The following NUP133 variants were observed in gnomAD, a reference collection of about 807,000 sequenced individuals.
NUP133 encodes the protein nuclear pore complex protein Nup133.
In NUP133, 66 loss-of-function variants were observed where a neutral mutation model predicts 146.2. The observed-to-expected ratio is 0.45, with a 90% CI of 0.37 to 0.55. The LOEUF (loss-of-function observed/expected upper bound fraction) is 0.55, where lower values mean the gene tolerates loss of function less well. Ranked by LOEUF, NUP133 falls within the 20% of genes least tolerant of loss-of-function variation. The pLI, the probability that NUP133 is intolerant of heterozygous loss-of-function variation, is 0.00. For missense variants in NUP133, 1,277 were observed against 1,374.8 expected (o/e 0.93, Z 1.12); for synonymous variants, 521 against 498.8 (o/e 1.04, Z -0.59).
chr1:229,487,321 G>A, intron 10 of NUP133, 145 bp downstream of exon 10: 1 of 743,272 alleles, frequency 1.3e-6, no homozygotes, highest in Non-Finnish European at 2.1e-6. Flanking sequence ...TAGGGTTATG[G>A]CTTCAGCTGC....
intron 13 of NUP133, 90 bp downstream of exon 13, chr1:229,477,507 G>T: frequency 3.3e-6 from 3 of 900,744 alleles, no homozygotes; most frequent in Non-Finnish European, 3.1e-6. Context: ...AATTGTTTGA[G>T]AAGCTAAAAA....
intron 6 of NUP133, 78 bp downstream of exon 6, chr1:229,498,058 A>G (rs1379616987): frequency 2.8e-6 from 3 of 1,061,446 alleles, no homozygotes; most frequent in Non-Finnish European, 4.0e-6. Context: ...ATGGAGGAAT[A>G]CTAAATTCAG....
In NUP133 at chr1:229,465,580, G is replaced by C. The variant is rs1660792923; in HGVS notation, c.2200-61C>G. 4 of 1,252,952 alleles carry C rather than the reference G, an allele frequency of 3.2e-6. No individual in the cohort carries two copies. In the Admixed American group the frequency reaches 7.0e-5, roughly 22 times the overall value. 77.6% of individuals were successfully genotyped at this position (1,252,952 alleles called of 1,614,324 possible). On this transcript the variant is annotated intron_variant, in intron 16 of 25. Coordinates refer to ENST00000261396, the MANE Select transcript of NUP133 (RefSeq NM_018230.3). ...GGTGATGGATCACAGTATTTCTGAA[G>C]ATAATTTAAGACAGCAAAGTAAATT...
At position 229,441,447 on chromosome 1, in the gene NUP133, T is replaced by C. The variant is rs764081236; in HGVS notation, c.*457A>G. On this transcript the variant is annotated 3_prime_UTR_variant, in exon 26 of 26. Transcript: ENST00000261396. ...CAGCAAAAGTTGACATTTATCTTAC[T>C]AGACATTTCCCATTAGCCCTAACTG... 2.3e-5 allele frequency: 12 copies of C among 532,528 alleles called. No homozygotes were observed. The highest frequency in any genetic ancestry group is 4.6e-5 in the Non-Finnish European group (12 of 259,716). 33.0% of individuals were successfully genotyped at this position (532,528 alleles called of 1,614,324 possible).
intron 24 of NUP133, among the ~76,000 whole-genome samples, chr1:229,447,253 T>C (rs896674706): frequency 2.6e-5 from 4 of 152,160 alleles, no homozygotes; most frequent in African/African-American, 9.7e-5. Flanking sequence ...TTCTTAACTA[T>C]TAAAATAGAG....
intron 24 of NUP133, among the ~76,000 whole-genome samples, chr1:229,446,091 T>G (rs1196960969): frequency 6.6e-6 from 1 of 152,136 alleles, no homozygotes; most frequent in Non-Finnish European, 1.5e-5. Flanking sequence ...AGTCCTCCTC[T>G]GCAGAAAGGA....
At chr1:229,497,494 A>G (rs1197600255) in intron 6 of NUP133, among the ~76,000 whole-genome samples, 1 of 152,216 alleles carries the variant, frequency 6.6e-6, no homozygotes, top group East Asian at 1.9e-4. Context: ...AGAGGGAAAC[A>G]GCACAGTAAA....
At position 229,508,266 on chromosome 1, in the gene NUP133, G is replaced by C; in HGVS notation, c.-17C>G. ...TGGGAACATGACTCCAAGGAGCAGC[G>C]ACTAGGACAGCGAGGGATCTGGCCG... On this transcript the variant is annotated 5_prime_UTR_variant, in exon 1 of 26. Coordinates refer to ENST00000261396, the MANE Select transcript of NUP133 (RefSeq NM_018230.3). 3.4e-6 allele frequency: 5 copies of C among 1,464,996 alleles called. No homozygotes were observed. Among genetic ancestry groups the C allele is most frequent in the Non-Finnish European group, 4.5e-6 (5 of 1,105,304 alleles). The allele number at this position is 1,464,996 out of a possible 1,614,324, so 90.7% of individuals were successfully genotyped here. A position where few individuals can be genotyped will look rare whatever the true frequency, so the allele number is the denominator to read the frequency against.
At chr1:229,443,692 AATATAC>A (rs1208917865) in intron 25 of NUP133, among the ~76,000 whole-genome samples, 2 of 151,548 alleles carry the variant, frequency 1.3e-5, no homozygotes, top group East Asian at 3.9e-4. Context: ...ATATATGTAA[AATATAC>A]ATATATAATA....
chr1:229,466,877 T>C (rs1213797178), intron 15 of NUP133, 121 bp from the exon 16 acceptor site: 1 of 684,696 alleles, frequency 1.5e-6, no homozygotes, highest in African/African-American at 1.8e-5. Context: ...GAAAATTTAT[T>C]GGCAGTTGAT....
At chr1:229,497,711 A>G (rs1661687566) in intron 6 of NUP133, among the ~76,000 whole-genome samples, 1 of 152,204 alleles carries the variant, frequency 6.6e-6, no homozygotes, top group South Asian at 2.1e-4. Flanking sequence ...GTCCATAAAT[A>G]TTAGTTCCCA....
intron 24 of NUP133, among the ~76,000 whole-genome samples, chr1:229,447,681 A>G (rs903438388): frequency 2.0e-5 from 3 of 151,780 alleles, no homozygotes; most frequent in Non-Finnish European, 2.9e-5. Context: ...TAAAAACACA[A>G]AACGACAGGG....
At chr1:229,499,373 T>C (rs1220609616) in intron 5 of NUP133, among the ~76,000 whole-genome samples, 1 of 152,216 alleles carries the variant, frequency 6.6e-6, no homozygotes, top group Non-Finnish European at 1.5e-5. Flanking sequence ...TGTCTAACTG[T>C]TCAAATCATA....
chr1:229,496,340 G>A (rs1206190406), intron 6 of NUP133, among the ~76,000 whole-genome samples: 1 of 152,138 alleles, frequency 6.6e-6, no homozygotes. Context: ...CGGGTGTGGT[G>A]GCACACGCCT....
At chr1:229,505,020 T>C (rs1661898433) in intron 2 of NUP133, among the ~76,000 whole-genome samples, 1 of 152,162 alleles carries the variant, frequency 6.6e-6, no homozygotes, top group South Asian at 2.1e-4. Context: ...TCTTAAAACA[T>C]GATAAGATTT....
In NUP133 at chr1:229,508,217, C is replaced by A. The variant is rs777615295; in HGVS notation, c.33G>T (p.Pro11=). Residue 11 remains proline, a synonymous_variant, in exon 1 of 26, where the codon CCG becomes CCT. Transcript: ENST00000261396. Reference sequence around the variant, plus strand: ...GCGGGCCCCTTCGGGACCCGGTACCCGGGGTCCGCGGAGAAGGGGCGGCTG... The same window carrying A: ...GCGGGCCCCTTCGGGACCCGGTACCAGGGGTCCGCGGAGAAGGGGCGGCTG... MFPAAPSPRT[P]GTGSRRGPLA... is the part of the protein sequence containing the mutation. 1 of 1,548,240 alleles carries A rather than the reference C, an allele frequency of 6.5e-7. No individual in the cohort carries two copies. The highest frequency in any genetic ancestry group is 8.7e-7 in the Non-Finnish European group (1 of 1,150,594).
chr1:229,508,259 G>A lies in NUP133; in HGVS notation c.-10C>T, dbSNP rs557776254. On this transcript the variant is annotated 5_prime_UTR_variant, in exon 1 of 26. Coordinates refer to ENST00000261396, the MANE Select transcript of NUP133 (RefSeq NM_018230.3). ...GGGCGGCTGGGAACATGACTCCAAG[G>A]AGCAGCGACTAGGACAGCGAGGGAT... 144 of 1,494,852 alleles carry A rather than the reference G, an allele frequency of 9.6e-5. No homozygotes were observed. In the South Asian group the frequency reaches 1.7e-3, roughly 18 times the overall value. 92.6% of individuals were successfully genotyped at this position (1,494,852 alleles called of 1,614,324 possible).
intron 8 of NUP133, among the ~76,000 whole-genome samples, chr1:229,491,136 G>A (rs897669301): frequency 1.3e-5 from 2 of 152,206 alleles, no homozygotes; most frequent in Non-Finnish European, 2.9e-5. Context: ...TATAAATGAA[G>A]TTTTGTTCGA....
intron 2 of NUP133, among the ~76,000 whole-genome samples, chr1:229,503,577 G>C (rs1412194665): frequency 2.6e-5 from 4 of 152,220 alleles, no homozygotes; most frequent in Non-Finnish European, 4.4e-5. Context: ...ATTAAGTTGA[G>C]CTTTGCTCTT....
Sources: allele counts gnomAD v4.1 joint callset (sites outside exome capture counted in the v4.1 genomes callset), GRCh38; gene constraint gnomAD v4.1.1; transcripts MANE v1.5; gene names NCBI Gene and HGNC (gene_info 2026-07-23, HGNC 2026-07-21).